Variants in KCNK3 observed in about 807,000 individuals in gnomAD.
KCNK3 encodes the protein potassium channel subfamily K member 3.
A neutral mutation model predicts 27.3 loss-of-function variants in KCNK3; 9 were observed. The ratio of observed to expected loss-of-function variants is 0.33; its 90% CI spans 0.20 to 0.57. KCNK3 has a LOEUF of 0.57. Among genes scored for constraint, KCNK3 ranks in the 20% least tolerant of loss-of-function variants. KCNK3 has a pLI of 0.87. For synonymous variants in KCNK3, 278 were observed against 273.8 expected, an observed-to-expected ratio of 1.02 and a Z score of -0.15; for missense variants, 391 against 577.7, an observed-to-expected ratio of 0.68 and a Z score of 3.31.
chr2:26,707,347 C>A (rs969843073), intron 1 of KCNK3, among the ~76,000 whole-genome samples: 2 of 152,174 alleles, frequency 1.3e-5, no homozygotes, highest in Non-Finnish European at 2.9e-5. Context: ...CAGGGAGTGG[C>A]CAGGAGCGAG....
chr2:26,710,549 A>C (rs940435318), intron 1 of KCNK3, among the ~76,000 whole-genome samples: 3 of 152,114 alleles, frequency 2.0e-5, no homozygotes, highest in Non-Finnish European at 4.4e-5. Flanking sequence ...CTCCAGTGGG[A>C]AGTCATGTGC....
intron 1 of KCNK3, among the ~76,000 whole-genome samples, chr2:26,710,209 C>T (rs938312595): frequency 1.3e-5 from 2 of 152,198 alleles, no homozygotes; most frequent in African/African-American, 2.4e-5. Flanking sequence ...GGCCCCTGTC[C>T]CCCGACTGCT....
chr2:26,708,259 C>T (rs1430090285), intron 1 of KCNK3, among the ~76,000 whole-genome samples: 1 of 152,102 alleles, frequency 6.6e-6, no homozygotes, highest in African/African-American at 2.4e-5. Flanking sequence ...TCAAGCAGGC[C>T]AGTGCCAGGT....
At chr2:26,704,245 T>C (rs1670342896) in intron 1 of KCNK3, among the ~76,000 whole-genome samples, 2 of 152,176 alleles carry the variant, frequency 1.3e-5, no homozygotes, top group African/African-American at 2.4e-5. Context: ...ACAGTTTTAT[T>C]GACGGCTTGC....
chr2:26,714,835 G>A (rs1380350014), intron 1 of KCNK3, among the ~76,000 whole-genome samples: 1 of 151,980 alleles, frequency 6.6e-6, no homozygotes, highest in South Asian at 2.1e-4. Context: ...GCAGTGAGCC[G>A]AGATCATGCC....
intron 1 of KCNK3, among the ~76,000 whole-genome samples, chr2:26,710,966 C>T (rs1461130761): frequency 4.6e-5 from 7 of 152,204 alleles, no homozygotes; most frequent in Non-Finnish European, 1.0e-4. Flanking sequence ...GGCTGCCCTT[C>T]CCAGGTGCCT....
At chr2:26,714,715 G>A (rs1362443123) in intron 1 of KCNK3, among the ~76,000 whole-genome samples, 1 of 151,680 alleles carries the variant, frequency 6.6e-6, no homozygotes, top group Non-Finnish European at 1.5e-5. Flanking sequence ...GCGAAACCCT[G>A]TCTCTACTAA....
intron 1 of KCNK3, among the ~76,000 whole-genome samples, chr2:26,707,320 C>T (rs1219815719): frequency 6.6e-6 from 1 of 152,184 alleles, no homozygotes; most frequent in African/African-American, 2.4e-5. Context: ...AGGCTGATCC[C>T]AGCCACTGCC....
intron 1 of KCNK3, among the ~76,000 whole-genome samples, chr2:26,712,638 C>T (rs1663142477): frequency 6.6e-6 from 1 of 150,860 alleles, no homozygotes; most frequent in South Asian, 2.1e-4. Flanking sequence ...TGCCCAGAGG[C>T]CACAGTAGGG....
chr2:26,703,847 T>C (rs1444686608), intron 1 of KCNK3, among the ~76,000 whole-genome samples: 3 of 152,078 alleles, frequency 2.0e-5, no homozygotes, highest in Non-Finnish European at 4.4e-5. Context: ...GAGGTGAAGA[T>C]CAGCAGCCAG....
chr2:26,715,753 G>T (rs949827265), intron 1 of KCNK3, among the ~76,000 whole-genome samples: 9 of 152,182 alleles, frequency 5.9e-5, no homozygotes, highest in African/African-American at 1.9e-4. Context: ...TTCAGCTGGG[G>T]AATGTTACAA....
chr2:26,727,296 T>G (rs1034621650), intron 1 of KCNK3, among the ~76,000 whole-genome samples: 1 of 152,128 alleles, frequency 6.6e-6, no homozygotes, highest in Non-Finnish European at 1.5e-5. Flanking sequence ...CCTCACACTC[T>G]CCCTGTGCCT....
Position 26,727,724 on chromosome 2 carries a change from C to T in KCNK3, c.341C>T (p.Ala114Val). 1 of 1,562,194 alleles carries T rather than the reference C, an allele frequency of 6.4e-7. No individual in the cohort carries two copies. The highest frequency in any genetic ancestry group is 8.7e-7 in the Non-Finnish European group (1 of 1,151,290). The change falls in exon 2 of 2, where the codon GCG (alanine) becomes GTG (valine). Residue 114 changes from alanine (A) to valine (V), a missense_variant. Coordinates refer to ENST00000302909, the MANE Select transcript of KCNK3 (RefSeq NM_002246.3). ...GGCAAGGTGTTCTGCATGTTCTACG[C>T]GCTGCTGGGCATCCCGCTCACGCTC... Reference protein sequence around the residue: ...DGGKVFCMFYALLGIPLTLVM... With the variant: ...DGGKVFCMFYVLLGIPLTLVM...
intron 1 of KCNK3, among the ~76,000 whole-genome samples, chr2:26,698,359 C>T (rs1029686823): frequency 6.6e-6 from 1 of 152,176 alleles, no homozygotes; most frequent in Non-Finnish European, 1.5e-5. Flanking sequence ...CTGGGTTCAT[C>T]TCAATCCACC....
chr2:26,694,992 A>G (rs768915151), intron 1 of KCNK3, among the ~76,000 whole-genome samples: 2 of 151,958 alleles, frequency 1.3e-5, no homozygotes, highest in Non-Finnish European at 2.9e-5. Context: ...CTGTCACCAA[A>G]CCAATTCCCT....
At position 26,704,592 on chromosome 2, in the gene KCNK3, C is replaced by G. The variant is rs116790076; in HGVS notation, c.283+11434C>G. On this transcript the variant is annotated intron_variant, in intron 1 of 1. Transcript: ENST00000302909. ...CCGGGGCTTTCTCCAGGGAACTGAA[C>G]TGTCAGGCCCCAGTGGGGCAGCCTG... Among the ~76,000 whole-genome samples the G allele has an allele frequency of 7.7e-3, 1,170 of 151,980 alleles. 14 individuals carry two copies. The highest frequency in any genetic ancestry group is 0.027 in the African/African-American group (1,129 of 41,446).
Position 26,692,978 on chromosome 2 carries a change from C to G in KCNK3, c.103C>G (p.Leu35Val). Residue 35 changes from leucine to valine, a missense_variant, in exon 1 of 2, where the codon CTG becomes GTG. Transcript: ENST00000302909. The surrounding 1 kb of genome is among the most constrained non-coding windows in gnomAD (Gnocchi z 5.6). Reference sequence around the variant, plus strand: ...CGACGCGCTGGAGTCGGAGCCCGAGCTGATCGAGCGGCAGCGGCTGGAGCT... The same window carrying G: ...CGACGCGCTGGAGTCGGAGCCCGAGGTGATCGAGCGGCAGCGGCTGGAGCT... ...VFDALESEPELIERQRLELRQ... is the reference protein window; with the variant it reads ...VFDALESEPEVIERQRLELRQ... The G allele has an allele frequency of 6.4e-7, 1 of 1,572,966 alleles. No homozygotes were observed. Among genetic ancestry groups the G allele is most frequent in the Non-Finnish European group, 8.6e-7 (1 of 1,163,832 alleles).
intron 1 of KCNK3, among the ~76,000 whole-genome samples, chr2:26,698,522 A>T (rs1234445129): frequency 6.6e-6 from 1 of 152,252 alleles, no homozygotes; most frequent in Non-Finnish European, 1.5e-5. Flanking sequence ...GGTACAGAGA[A>T]GGCACTTAAT....
chr2:26,728,730 C>A lies in KCNK3; in HGVS notation c.*162C>A. 1.7e-6 allele frequency: 1 copy of A among 585,596 alleles called. No homozygotes were observed. The highest frequency in any genetic ancestry group is 2.6e-6 in the Non-Finnish European group (1 of 390,348). 36.3% of individuals were successfully genotyped at this position (585,596 alleles called of 1,614,324 possible). On this transcript the variant is annotated 3_prime_UTR_variant, in exon 2 of 2. Coordinates refer to ENST00000302909, the MANE Select transcript of KCNK3 (RefSeq NM_002246.3). ...CTCCGACTGTGCCTGCTTGCACCAG[C>A]CGGCAGGAGGCCGGGCTCTGAGGAC...
Sources: gnomAD v4.1 joint callset for allele counts (sites outside exome capture counted in the v4.1 genomes callset) on GRCh38, gnomAD v4.1.1 for gene constraint, Gnocchi (gnomAD v3.1) non-coding constraint, MANE v1.5 for transcripts, NCBI Gene and HGNC (gene_info 2026-07-23, HGNC 2026-07-21) for gene names.